Variants in NCKAP5 observed in about 807,000 individuals in gnomAD.
The protein encoded by NCKAP5 is nck-associated protein 5.
NCKAP5 carries 92 observed loss-of-function variants against 167.0 expected under a neutral mutation model. That is an observed-to-expected ratio of 0.55 (90% CI 0.47 to 0.66). The LOEUF (loss-of-function observed/expected upper bound fraction) is 0.66, where lower values mean the gene tolerates loss of function less well. NCKAP5 is among the 30% of genes least tolerant of loss of function. The pLI is 0.00. For synonymous variants in NCKAP5, 891 were observed against 877.4 expected (o/e 1.02, Z -0.27); for missense variants, 2,378 against 2,315.0 (o/e 1.03, Z -0.56).
intron 5 of NCKAP5, among the ~76,000 whole-genome samples, chr2:133,188,220 CAAG>C (rs946620228): frequency 2.1e-4 from 32 of 152,016 alleles, no homozygotes; most frequent in African/African-American, 7.5e-4. Context: ...ATCAAATCAA[CAAG>C]AAGAGCTAAC....
intron 16 of NCKAP5, among the ~76,000 whole-genome samples, chr2:132,755,980 T>C (rs761324703): frequency 2.0e-5 from 3 of 152,038 alleles, no homozygotes; most frequent in South Asian, 2.1e-4. Flanking sequence ...CTCTCCATAA[T>C]GCTTTAACTA....
At chr2:133,028,367 G>A (rs1473349236) in intron 6 of NCKAP5, among the ~76,000 whole-genome samples, 1 of 152,066 alleles carries the variant, frequency 6.6e-6, no homozygotes, top group East Asian at 1.9e-4. Context: ...ACTTTTCCAT[G>A]ATCATTTAGA....
At chr2:133,363,483 C>G (rs1685257898) in intron 3 of NCKAP5, among the ~76,000 whole-genome samples, 1 of 152,148 alleles carries the variant, frequency 6.6e-6, no homozygotes, top group South Asian at 2.1e-4. Flanking sequence ...ACATAAACAA[C>G]TAGGATGTTT....
intron 5 of NCKAP5, among the ~76,000 whole-genome samples, chr2:133,174,723 CT>C (rs1426065938): frequency 2.7e-5 from 4 of 150,700 alleles, no homozygotes; most frequent in South Asian, 2.1e-4. Flanking sequence ...TTTCTCCCCC[CT>C]GCTCCAGCTT....
In NCKAP5 at chr2:132,900,965, CAAAAAAAAAAAGAA is replaced by C. The variant is rs1161312059; in HGVS notation, c.580-22063_580-22050del. On this transcript the variant is annotated intron_variant, in intron 8 of 19. Transcript: ENST00000409261. ...CGGGTGACAGAGCAAGACTCTGTCTCAAAAAAAAAAAGAAAAAAAAAAAAAAAAAAGAACACCAG... is the reference window on the plus strand; with the variant it reads ...CGGGTGACAGAGCAAGACTCTGTCTCAAAAAAAAAAAAAAAAGAACACCAG... 1.3e-4 allele frequency among the ~76,000 whole-genome samples: 4 copies of C among 31,668 alleles called. No individual in the cohort carries two copies. The East Asian group carries it at 4.7e-3, about 37-fold the overall frequency. The allele number at this position is 31,668 out of a possible 152,430, so 20.8% of individuals were successfully genotyped here. A position where few individuals can be genotyped will look rare whatever the true frequency, so the allele number is the denominator to read the frequency against.
chr2:133,382,822 T>C (rs760487863), intron 3 of NCKAP5, among the ~76,000 whole-genome samples: 2 of 152,198 alleles, frequency 1.3e-5, no homozygotes, highest in Non-Finnish European at 2.9e-5. Context: ...CTCTGTAGTC[T>C]GGAGAGTTCA....
chr2:133,102,917 T>A (rs1209628811), intron 6 of NCKAP5, among the ~76,000 whole-genome samples: 2 of 152,148 alleles, frequency 1.3e-5, no homozygotes, highest in Admixed American at 1.3e-4. Flanking sequence ...GAGGAGACTT[T>A]CGAAATGCCA....
chr2:133,457,744 C>G (rs780788191), intron 3 of NCKAP5, among the ~76,000 whole-genome samples: 1 of 152,104 alleles, frequency 6.6e-6, no homozygotes, highest in Non-Finnish European at 1.5e-5. Flanking sequence ...TCTTAAAGGG[C>G]CAGTTTTTCT....
At chr2:133,526,389 G>A (rs904740762) in intron 2 of NCKAP5, among the ~76,000 whole-genome samples, 3 of 152,016 alleles carry the variant, frequency 2.0e-5, no homozygotes, top group African/African-American at 7.2e-5. Context: ...AAGAGAGGGA[G>A]ATTTATATAT....
At chr2:132,986,029 T>C (rs1020908437) in intron 7 of NCKAP5, among the ~76,000 whole-genome samples, 3 of 152,164 alleles carry the variant, frequency 2.0e-5, no homozygotes, top group Admixed American at 1.3e-4. Context: ...ACTGCCGATC[T>C]ACATATTTAC....
chr2:132,881,554 CTT>C (rs35545031), intron 8 of NCKAP5, among the ~76,000 whole-genome samples: 22,045 of 126,216 alleles, frequency 0.17, 1,854 homozygotes, highest in East Asian at 0.33. Context: ...CCTTACCTTT[CTT>C]TTTTTTTTTT....
chr2:133,262,266 T>C (rs1184871570), intron 4 of NCKAP5, among the ~76,000 whole-genome samples: 1 of 152,078 alleles, frequency 6.6e-6, no homozygotes, highest in Non-Finnish European at 1.5e-5. Flanking sequence ...TTCCCAAGTT[T>C]GAAGGAGTAA....
At chr2:133,655,283 G>A in the NCKAP5 span, among the ~76,000 whole-genome samples, 1 of 152,122 alleles carries the variant, frequency 6.6e-6, no homozygotes, top group Non-Finnish European at 1.5e-5. Flanking sequence ...TTTTCCTAGA[G>A]ATGAAATTAT....
chr2:133,468,123 T>C (rs1377788296), intron 3 of NCKAP5, among the ~76,000 whole-genome samples: 1 of 135,346 alleles, frequency 7.4e-6, no homozygotes, highest in African/African-American at 2.9e-5. Flanking sequence ...TTTTGGATCT[T>C]TCCTGCTTTC....
chr2:132,730,544 T>C (rs1024933131), intron 17 of NCKAP5, among the ~76,000 whole-genome samples: 8 of 152,266 alleles, frequency 5.3e-5, no homozygotes, highest in Non-Finnish European at 1.2e-4. Flanking sequence ...CCTGGTGCAG[T>C]GGATATTAGC....
At chr2:133,578,658 G>C in the NCKAP5 span, among the ~76,000 whole-genome samples, 1 of 152,152 alleles carries the variant, frequency 6.6e-6, no homozygotes, top group Non-Finnish European at 1.5e-5. Flanking sequence ...CCCAATGCAC[G>C]TCTCCTATGT....
chr2:133,431,174 T>C (rs1690137507), intron 3 of NCKAP5, among the ~76,000 whole-genome samples: 1 of 152,140 alleles, frequency 6.6e-6, no homozygotes, highest in Non-Finnish European at 1.5e-5. Context: ...ATGAGACAGA[T>C]AGGAAACTAG....
chr2:133,263,948 T>C (rs1574535672), intron 4 of NCKAP5, among the ~76,000 whole-genome samples: 1 of 152,178 alleles, frequency 6.6e-6, no homozygotes, highest in East Asian at 1.9e-4. Context: ...CATCATTGCC[T>C]ACTCATTTTG....
chr2:133,324,114 G>A (rs1346041405), intron 3 of NCKAP5, among the ~76,000 whole-genome samples: 1 of 152,190 alleles, frequency 6.6e-6, no homozygotes, highest in Non-Finnish European at 1.5e-5. Flanking sequence ...CAAAGTCTGA[G>A]ATGAAAACTT....
Sources: gnomAD v4.1 joint callset for allele counts (sites outside exome capture counted in the v4.1 genomes callset) on GRCh38, gnomAD v4.1.1 for gene constraint, MANE v1.5 for transcripts, NCBI Gene and HGNC (gene_info 2026-07-23, HGNC 2026-07-21) for gene names.